The following TMEM154 variants were observed in gnomAD, a reference collection of about 807,000 sequenced individuals.
The protein encoded by TMEM154 is transmembrane protein 154.
In TMEM154, 27 loss-of-function variants were observed where a neutral mutation model predicts 24.5. That is an observed-to-expected ratio of 1.10 (90% CI 0.81 to 1.52). The LOEUF (loss-of-function observed/expected upper bound fraction) is 1.52, where lower values mean the gene tolerates loss of function less well. Among genes scored for constraint, TMEM154 ranks in the 40% most tolerant of loss-of-function variants. The pLI is 0.00. For synonymous variants in TMEM154, 67 were observed against 76.8 expected, an observed-to-expected ratio of 0.87 and a Z score of 0.67; for missense variants, 228 against 213.4, an observed-to-expected ratio of 1.07 and a Z score of -0.43.
chr4:152,658,257 A>C (rs1458838109), intron 1 of TMEM154, among the ~76,000 whole-genome samples: 1 of 152,192 alleles, frequency 6.6e-6, no homozygotes, highest in Non-Finnish European at 1.5e-5. Context: ...ATGGAAACAC[A>C]CCATGCTAAA....
At position 152,679,879 on chromosome 4, in the gene TMEM154, C is replaced by T. The variant is rs770371028; in HGVS notation, c.55G>A (p.Val19Ile). Residue 19 changes from valine (V) to isoleucine (I), a missense_variant, in exon 1 of 7, where the codon GTC becomes ATC. Val to Ile is a conservative substitution (Grantham distance 29, BLOSUM62 3). Coordinates refer to ENST00000304385, the MANE Select transcript of TMEM154 (RefSeq NM_152680.3). Reference sequence around the variant, plus strand: ...AGTGGAGGCGGCTTACCCCGGCCGACGGGAACGAGCGCGATCACCAGGGCG... The same window carrying T: ...AGTGGAGGCGGCTTACCCCGGCCGATGGGAACGAGCGCGATCACCAGGGCG... The part of the protein sequence containing the change: ...VFALVIALVP[V>I]GRGNYEELEN... The T allele has an allele frequency of 6.2e-7, 1 of 1,609,280 alleles. No individual in the cohort carries two copies. Among genetic ancestry groups the T allele is most frequent in the Non-Finnish European group, 8.5e-7 (1 of 1,178,414 alleles).
rs1049058026 is a variant in TMEM154, at chr4:152,618,648, C to T, written c.*9898G>A. The T allele has an allele frequency of 1.3e-5, 2 of 152,200 alleles. No homozygotes were observed. Among genetic ancestry groups the T allele is most frequent in the Admixed American group, 6.5e-5 (1 of 15,274 alleles). 9.4% of individuals were successfully genotyped at this position (152,200 alleles called of 1,614,324 possible). A position where few individuals can be genotyped will look rare whatever the true frequency, so the allele number is the denominator to read the frequency against. ...AGATCTGGGTTGGAAAGAGCTGCTT[C>T]GAGCATTTTAATGATCAGTTAGGCT... On this transcript the variant is annotated 3_prime_UTR_variant, in exon 7 of 7. Coordinates refer to ENST00000304385, the MANE Select transcript of TMEM154 (RefSeq NM_152680.3).
At chr4:152,644,307 G>C (rs1561047980) in intron 4 of TMEM154, 108 bp downstream of exon 4, 7 of 1,252,890 alleles carry the variant, frequency 5.6e-6, no homozygotes, top group Non-Finnish European at 7.0e-6. Flanking sequence ...CTGGGAAGCA[G>C]GAGAGTCCCG....
At chr4:152,679,438 C>T (rs1729017156) in intron 1 of TMEM154, among the ~76,000 whole-genome samples, 2 of 151,636 alleles carry the variant, frequency 1.3e-5, no homozygotes, top group African/African-American at 4.8e-5. Context: ...ATTTTCACAC[C>T]CCAGTTTTTC....
rs1268094627 is a variant in TMEM154, at chr4:152,623,292, C to A, written c.*5254G>T. The A allele has an allele frequency of 6.7e-6, 1 of 150,212 alleles. No individual in the cohort carries two copies. Among genetic ancestry groups the A allele is most frequent in the African/African-American group, 2.5e-5 (1 of 40,702 alleles). The allele number at this position is 150,212 out of a possible 1,614,324, so 9.3% of individuals were successfully genotyped here. ...TCAAACACAGTGTTTTTTTTTTTTA[C>A]ATAATTTTCAGTTAACTTTAAATAC... On this transcript the variant is annotated 3_prime_UTR_variant, in exon 7 of 7. Coordinates refer to ENST00000304385, the MANE Select transcript of TMEM154 (RefSeq NM_152680.3).
chr4:152,648,679 T>C (rs1482917542), intron 3 of TMEM154, among the ~76,000 whole-genome samples: 1 of 152,194 alleles, frequency 6.6e-6, no homozygotes, highest in Non-Finnish European at 1.5e-5. Context: ...GCATGGACCA[T>C]GTCTGAGGTT....
At chr4:152,643,281 T>G (rs1173356032) in intron 4 of TMEM154, 108 bp from the exon 5 acceptor site, 1 of 819,000 alleles carries the variant, frequency 1.2e-6, no homozygotes, top group Admixed American at 2.7e-5. Context: ...CTTGATTCAG[T>G]GCCTTATGCT....
chr4:152,621,515 C>T lies in TMEM154; in HGVS notation c.*7031G>A, dbSNP rs553728884. On this transcript the variant is annotated 3_prime_UTR_variant, in exon 7 of 7. Transcript: ENST00000304385. ...CTAGTTAAAACAGGGAGGAAATAGA[C>T]TCTGCATCAGTTTCTAGGGGTAGAT... is the stretch of plus-strand genomic sequence containing the variant. 2.0e-5 allele frequency: 3 copies of T among 152,320 alleles called. No homozygotes were observed. The highest frequency in any genetic ancestry group is 6.5e-5 in the Admixed American group (1 of 15,298). 9.4% of individuals were successfully genotyped at this position (152,320 alleles called of 1,614,324 possible).
intron 6 of TMEM154, among the ~76,000 whole-genome samples, chr4:152,631,174 C>A (rs2149777542): frequency 6.6e-6 from 1 of 152,280 alleles, no homozygotes; most frequent in South Asian, 2.1e-4. Context: ...AAATTATCCC[C>A]CTTTCCTAGA....
In TMEM154 at chr4:152,619,510, T is replaced by A. The variant is rs542949046; in HGVS notation, c.*9036A>T. On this transcript the variant is annotated 3_prime_UTR_variant, in exon 7 of 7. Transcript: ENST00000304385. ...GTTTATGTCCTTTCCACCTTGAACC[T>A]AGGTAGACTTTGTAACTGTCTCAAA... 6.6e-6 allele frequency: 1 copy of A among 152,318 alleles called. No homozygotes were observed. Among genetic ancestry groups the A allele is most frequent in the Admixed American group, 6.5e-5 (1 of 15,298 alleles). 9.4% of individuals were successfully genotyped at this position (152,318 alleles called of 1,614,324 possible). A position where few individuals can be genotyped will look rare whatever the true frequency, so the allele number is the denominator to read the frequency against.
At chr4:152,650,521 C>T (rs1240539235) in intron 3 of TMEM154, among the ~76,000 whole-genome samples, 1 of 152,114 alleles carries the variant, frequency 6.6e-6, no homozygotes, top group African/African-American at 2.4e-5. Context: ...CTGCAGTGAC[C>T]CCTCCACTCA....
intron 1 of TMEM154, among the ~76,000 whole-genome samples, chr4:152,657,037 C>T (rs1250253020): frequency 6.7e-6 from 1 of 150,160 alleles, no homozygotes; most frequent in Non-Finnish European, 1.5e-5. Flanking sequence ...AAATCAAATA[C>T]ACTTGAAAGC....
At chr4:152,648,206 G>A (rs895440899) in intron 3 of TMEM154, among the ~76,000 whole-genome samples, 1 of 152,214 alleles carries the variant, frequency 6.6e-6, no homozygotes, top group African/African-American at 2.4e-5. Flanking sequence ...CTAGCAGGGG[G>A]GCGTGGTGGC....
At chr4:152,673,867 C>T (rs1728902056) in intron 1 of TMEM154, among the ~76,000 whole-genome samples, 1 of 152,054 alleles carries the variant, frequency 6.6e-6, no homozygotes, top group South Asian at 2.1e-4. Context: ...TCAACAACCT[C>T]AGCCATATCT....
At position 152,625,927 on chromosome 4, in the gene TMEM154, A is replaced by G. The variant is rs1751910184; in HGVS notation, c.*2619T>C. The G allele has an allele frequency of 6.6e-6, 1 of 152,132 alleles. No individual in the cohort carries two copies. Among genetic ancestry groups the G allele is most frequent in the Admixed American group, 6.5e-5 (1 of 15,268 alleles). 9.4% of individuals were successfully genotyped at this position (152,132 alleles called of 1,614,324 possible). On this transcript the variant is annotated 3_prime_UTR_variant, in exon 7 of 7. Coordinates refer to ENST00000304385, the MANE Select transcript of TMEM154 (RefSeq NM_152680.3). ...TTGGTTCTCCTGTATTATACAGCAT[A>G]ACTAGGAGAAAAAAAAACTATGAAA...
At chr4:152,660,238 T>C (rs1728572728) in intron 1 of TMEM154, among the ~76,000 whole-genome samples, 1 of 152,132 alleles carries the variant, frequency 6.6e-6, no homozygotes, top group African/African-American at 2.4e-5. Context: ...ACTGGTAACC[T>C]TGGCCAGTGA....
At chr4:152,666,788 G>T (rs1333377362) in intron 1 of TMEM154, 2 of 152,256 alleles carry the variant, frequency 1.3e-5, no homozygotes, top group Admixed American at 6.5e-5. Flanking sequence ...GCTATGGGAG[G>T]CTGATTGTGT....
Position 152,619,661 on chromosome 4 carries a change from C to A in TMEM154, c.*8885G>T, listed in dbSNP as rs759635902. The A allele has an allele frequency of 2.0e-5, 3 of 152,168 alleles. No individual in the cohort carries two copies. The highest frequency in any genetic ancestry group is 4.4e-5 in the Non-Finnish European group (3 of 68,042). The allele number at this position is 152,168 out of a possible 1,614,324, so 9.4% of individuals were successfully genotyped here. The stretch of plus-strand genomic sequence containing the variant: ...ACTCAGCTGCCATGCTGTGAAGAAG[C>A]CCAAGGAGTCTATGGAGAGGCCCAC... On this transcript the variant is annotated 3_prime_UTR_variant, in exon 7 of 7. Coordinates refer to ENST00000304385, the MANE Select transcript of TMEM154 (RefSeq NM_152680.3).
In TMEM154 at chr4:152,625,683, C is replaced by CAA. The variant is rs70949603; in HGVS notation, c.*2861_*2862dup. On this transcript the variant is annotated 3_prime_UTR_variant, in exon 7 of 7. Coordinates refer to ENST00000304385, the MANE Select transcript of TMEM154 (RefSeq NM_152680.3). The stretch of plus-strand genomic sequence containing the variant: ...TGGGTGACAGAGTGAGACTCCATCT[C>CAA]AAAAAAAAAAAAAAAAAGTCAGGTG... 8,256 of 75,806 alleles carry CAA rather than the reference C, an allele frequency of 0.11. 295 individuals are homozygous for CAA. Among genetic ancestry groups the CAA allele is most frequent in the Middle Eastern group, 0.16 (15 of 94 alleles). The allele number at this position is 75,806 out of a possible 1,614,324, so 4.7% of individuals were successfully genotyped here. A position where few individuals can be genotyped will look rare whatever the true frequency, so the allele number is the denominator to read the frequency against.
Sources: allele counts gnomAD v4.1 joint callset (sites outside exome capture counted in the v4.1 genomes callset), GRCh38; gene constraint gnomAD v4.1.1; transcripts MANE v1.5; gene names NCBI Gene and HGNC (gene_info 2026-07-23, HGNC 2026-07-21).